RICTOR: variants seen among roughly 807,000 people sequenced by gnomAD.
RICTOR encodes rapamycin-insensitive companion of mTOR.
In RICTOR, 49 loss-of-function variants were observed where a neutral mutation model predicts 214.9. That is an observed-to-expected ratio of 0.23 (90% CI 0.18 to 0.29). The LOEUF is 0.29. Among genes scored for constraint, RICTOR ranks in the 10% least tolerant of loss-of-function variants. RICTOR has a pLI of 1.00. For missense variants in RICTOR, 1,625 were observed against 2,047.0 expected, an observed-to-expected ratio of 0.79 and a Z score of 3.98; for synonymous variants, 717 against 711.3, an observed-to-expected ratio of 1.01 and a Z score of -0.13.
At chr5:39,034,455 C>A (rs1480765526) in intron 2 of RICTOR, among the ~76,000 whole-genome samples, 1 of 152,198 alleles carries the variant, frequency 6.6e-6, no homozygotes, top group Non-Finnish European at 1.5e-5. Context: ...CTGGGGAGTG[C>A]CGGACAGCGG....
Position 38,962,381 on chromosome 5 carries a change from T to A in RICTOR, c.1669-20A>T. The A allele has an allele frequency of 4.9e-6, 6 of 1,225,396 alleles. No homozygotes were observed. The highest frequency in any genetic ancestry group is 7.1e-6 in the Non-Finnish European group (6 of 845,104). 75.9% of individuals were successfully genotyped at this position (1,225,396 alleles called of 1,614,324 possible). A position where few individuals can be genotyped will look rare whatever the true frequency, so the allele number is the denominator to read the frequency against. On this transcript the variant is annotated intron_variant, in intron 18 of 37. Transcript: ENST00000357387. ...TGGCCACTAGAAAAACATAATATGT[T>A]ATATTACATATGTACTTATCAATTC... is the stretch of plus-strand genomic sequence containing the variant.
chr5:38,962,810 A>G (rs1749903660), intron 17 of RICTOR, 66 bp downstream of exon 17: 11 of 1,368,118 alleles, frequency 8.0e-6, no homozygotes, highest in Non-Finnish European at 1.1e-5. Context: ...CATGCATACT[A>G]AAATCCAGTG....
At chr5:38,994,008 G>A (rs1044255575) in intron 6 of RICTOR, among the ~76,000 whole-genome samples, 5 of 152,046 alleles carry the variant, frequency 3.3e-5, no homozygotes, top group South Asian at 2.1e-4. Context: ...CGGTGAAACC[G>A]CGTCTCTACT....
intron 37 of RICTOR, among the ~76,000 whole-genome samples, 173 bp from the exon 38 acceptor site, chr5:38,942,551 T>A (rs1747688553): frequency 6.6e-6 from 1 of 150,796 alleles, no homozygotes; most frequent in African/African-American, 2.4e-5. Flanking sequence ...CCTGGGTTCA[T>A]ATGATCCTCC....
chr5:38,987,072 G>A (rs1752230727), intron 7 of RICTOR, among the ~76,000 whole-genome samples: 1 of 152,184 alleles, frequency 6.6e-6, no homozygotes, highest in Non-Finnish European at 1.5e-5. Flanking sequence ...CAGGGATGTG[G>A]CCAACTTGAT....
intron 2 of RICTOR, among the ~76,000 whole-genome samples, chr5:39,060,513 A>T (rs894342991): frequency 1.3e-5 from 2 of 152,034 alleles, no homozygotes; most frequent in African/African-American, 4.8e-5. Context: ...GTGAGGTATT[A>T]CAGAGGGTAG....
chr5:38,981,371 A>T (rs934942765), intron 8 of RICTOR: 1 of 154,712 alleles, frequency 6.5e-6, no homozygotes, highest in African/African-American at 2.4e-5. Flanking sequence ...CTTTTGACTA[A>T]CTGTAATAAA....
intron 2 of RICTOR, among the ~76,000 whole-genome samples, chr5:39,072,536 AAC>A (rs1311601367): frequency 6.6e-6 from 1 of 152,202 alleles, no homozygotes; most frequent in Admixed American, 6.5e-5. Context: ...CTTCATCTAA[AAC>A]ACATATGCCT....
intron 2 of RICTOR, among the ~76,000 whole-genome samples, chr5:39,073,256 C>T (rs1482446275): frequency 1.3e-5 from 2 of 152,166 alleles, no homozygotes; most frequent in African/African-American, 4.8e-5. Context: ...TAGGCTCAAT[C>T]CTGTTTACCG....
chr5:39,033,239 T>G (rs1030315931), intron 2 of RICTOR, among the ~76,000 whole-genome samples: 10 of 152,124 alleles, frequency 6.6e-5, no homozygotes, highest in African/African-American at 2.4e-4. Flanking sequence ...TGTTGTTGGC[T>G]TCTTGTACCA....
intron 5 of RICTOR, among the ~76,000 whole-genome samples, chr5:39,001,202 G>T (rs1240746973): frequency 6.6e-6 from 1 of 151,978 alleles, no homozygotes; most frequent in East Asian, 1.9e-4. Context: ...TTATAGAACT[G>T]CAGTAGTTAA....
intron 2 of RICTOR, 110 bp downstream of exon 2, chr5:39,074,001 C>T: frequency 2.9e-6 from 2 of 684,510 alleles, no homozygotes; most frequent in Non-Finnish European, 3.9e-6. Flanking sequence ...CTCTGGCCCC[C>T]GCACCCCGCC....
rs140302831 is a variant in RICTOR, at chr5:39,011,846, G to C, written c.196-8224C>G. ...TCTAGGAAGTAACTAACTTGCTTTT[G>C]ATTTTACAGGCTCATAGGCGGAAGG... On this transcript the variant is annotated intron_variant, in intron 3 of 37. Coordinates refer to ENST00000357387, the MANE Select transcript of RICTOR (RefSeq NM_152756.5). Among the ~76,000 whole-genome samples, 1,059 of 152,246 alleles carry C rather than the reference G, an allele frequency of 7.0e-3. 53 individuals carry two copies. In the East Asian group the frequency reaches 0.12, roughly 18 times the overall value.
At position 38,959,948 on chromosome 5, in the gene RICTOR, TTAC is replaced by T; in HGVS notation, c.1879_1881del (p.Val627del). On this transcript the variant is annotated inframe_deletion, in exon 21 of 38. Coordinates refer to ENST00000357387, the MANE Select transcript of RICTOR (RefSeq NM_152756.5). The stretch of plus-strand genomic sequence containing the variant: ...GCATTGAGCCACTGAACAATATCCT[TTAC>T]TAGATCTTCTAAGTAGCCTTGCCCA... 6.2e-7 allele frequency: 1 copy of T among 1,611,844 alleles called. No homozygotes were observed. The highest frequency in any genetic ancestry group is 8.5e-7 in the Non-Finnish European group (1 of 1,178,166).
At chr5:39,062,366 C>A (rs567422339) in intron 2 of RICTOR, among the ~76,000 whole-genome samples, 1 of 152,054 alleles carries the variant, frequency 6.6e-6, no homozygotes, top group Non-Finnish European at 1.5e-5. Flanking sequence ...TGTTTCCAAC[C>A]ACTGGAGTCT....
At chr5:38,963,137 C>T (rs1229243196) in intron 16 of RICTOR, 96 bp from the exon 17 acceptor site, 2 of 797,024 alleles carry the variant, frequency 2.5e-6, no homozygotes, top group Non-Finnish European at 3.7e-6. Flanking sequence ...AAGATCAAGG[C>T]TAGAAATTAT....
At chr5:39,064,242 A>C (rs1049632597) in intron 2 of RICTOR, among the ~76,000 whole-genome samples, 1 of 152,258 alleles carries the variant, frequency 6.6e-6, no homozygotes, top group Non-Finnish European at 1.5e-5. Context: ...TGTAACAAAA[A>C]AACACAAATA....
At chr5:39,055,907 A>G (rs1288091115) in intron 2 of RICTOR, among the ~76,000 whole-genome samples, 3 of 152,204 alleles carry the variant, frequency 2.0e-5, no homozygotes. Flanking sequence ...ATTTGCAAGT[A>G]TTTCAGAGAT....
intron 3 of RICTOR, among the ~76,000 whole-genome samples, chr5:39,013,413 TA>T (rs1754698355): frequency 6.6e-6 from 1 of 152,064 alleles, no homozygotes; most frequent in East Asian, 1.9e-4. Context: ...ACACAAATAC[TA>T]AAATATTCAA....
Sources: allele counts gnomAD v4.1 joint callset (sites outside exome capture counted in the v4.1 genomes callset), GRCh38; gene constraint gnomAD v4.1.1; transcripts MANE v1.5; gene names NCBI Gene and HGNC (gene_info 2026-07-23, HGNC 2026-07-21).